The following C2CD2 variants were observed in gnomAD, a reference collection of about 807,000 sequenced individuals.
C2CD2 encodes C2 calcium dependent domain containing 2.
In C2CD2, 43 loss-of-function variants were observed where a neutral mutation model predicts 74.3. That is an observed-to-expected ratio of 0.58 (90% CI 0.45 to 0.75). The LOEUF is 0.75. Ranked by LOEUF, C2CD2 falls within the 30% of genes least tolerant of loss-of-function variation. The pLI is 0.00. For synonymous variants in C2CD2, 422 were observed against 390.7 expected, an observed-to-expected ratio of 1.08 and a Z score of -0.94; for missense variants, 801 against 916.3, an observed-to-expected ratio of 0.87 and a Z score of 1.63.
intron 1 of C2CD2, among the ~76,000 whole-genome samples, chr21:41,950,588 C>T (rs2065442236): frequency 6.6e-6 from 1 of 152,196 alleles, no homozygotes; most frequent in Non-Finnish European, 1.5e-5. Context: ...TCTCTGAGCT[C>T]TTCTCGCTGG....
chr21:41,903,263 C>T lies in C2CD2; in HGVS notation c.1433-1514G>A, dbSNP rs1472068648. Among the ~76,000 whole-genome samples, 1 of 152,134 alleles carries T rather than the reference C, an allele frequency of 6.6e-6. No homozygotes were observed. Among genetic ancestry groups the T allele is most frequent in the African/African-American group, 2.4e-5 (1 of 41,422 alleles). On this transcript the variant is annotated intron_variant, in intron 11 of 13. Coordinates refer to ENST00000380486, the MANE Select transcript of C2CD2 (RefSeq NM_015500.2). The surrounding 1 kb of genome is among the most constrained non-coding windows in gnomAD (Gnocchi z 4.5). ...AAGTGTTTCTCTGAGTTCTGTGAGCCATTATAGCAAATTACGGAACCCGAG... is the reference window on the plus strand; with the variant it reads ...AAGTGTTTCTCTGAGTTCTGTGAGCTATTATAGCAAATTACGGAACCCGAG...
rs541046099 is a variant in C2CD2 at position 41,924,822 on chromosome 21, C to T, written c.379-2737G>A. Among the ~76,000 whole-genome samples, 6 of 152,184 alleles carry T rather than the reference C, an allele frequency of 3.9e-5. No individual in the cohort carries two copies. Among genetic ancestry groups the T allele is most frequent in the Non-Finnish European group, 7.3e-5 (5 of 68,042 alleles). ...AGAAAACAGACTCAGAGCCTCAACC[C>T]GAGCAAGAAAGAATTTCATTTTCTT... On this transcript the variant is annotated intron_variant, in intron 2 of 13. Transcript: ENST00000380486. This position sits in a 1 kb window ranked among gnomAD's most constrained non-coding sequence, Gnocchi z 4.4.
Position 41,903,864 on chromosome 21 carries a change from C to T in C2CD2, c.1432+1860G>A, listed in dbSNP as rs2064928813. 6.6e-6 allele frequency among the ~76,000 whole-genome samples: 1 copy of T among 152,174 alleles called. No homozygotes were observed. The highest frequency in any genetic ancestry group is 2.4e-5 in the African/African-American group (1 of 41,444). ...GAGGGATCCTGCCCACGTGACAGGA[C>T]CCCGCAGCATGGGCAGTGGGGGCAC... On this transcript the variant is annotated intron_variant, in intron 11 of 13. Coordinates refer to ENST00000380486, the MANE Select transcript of C2CD2 (RefSeq NM_015500.2). The surrounding 1 kb of genome is among the most constrained non-coding windows in gnomAD (Gnocchi z 4.5).
intron 13 of C2CD2, among the ~76,000 whole-genome samples, chr21:41,897,530 C>T (rs1206131432): frequency 6.6e-6 from 1 of 152,214 alleles, no homozygotes; most frequent in Non-Finnish European, 1.5e-5. Context: ...GTGCAGCTTA[C>T]AGCCCTCAAG....
In C2CD2 at chr21:41,942,175, G is replaced by C; in HGVS notation, c.350C>G (p.Ser117Cys). Residue 117 changes from serine (S) to cysteine (C), a missense_variant, in exon 2 of 14, where the codon TCC becomes TGC. Coordinates refer to ENST00000380486, the MANE Select transcript of C2CD2 (RefSeq NM_015500.2). Reference sequence around the variant, plus strand: ...CTCCTCCGCCGACCTGAGCACGCTGGAGACCTCCTGCACCACCAGCTCCAG... The same window carrying C: ...CTCCTCCGCCGACCTGAGCACGCTGCAGACCTCCTGCACCACCAGCTCCAG... ...QALELVVQEV[S>C]SVLRSAEEKV... 1.3e-6 allele frequency: 2 copies of C among 1,549,460 alleles called. No homozygotes were observed. Among genetic ancestry groups the C allele is most frequent in the South Asian group, 1.2e-5 (1 of 83,966 alleles).
intron 12 of C2CD2, 145 bp downstream of exon 12, chr21:41,901,477 G>T: frequency 1.2e-6 from 1 of 829,674 alleles, no homozygotes; most frequent in Non-Finnish European, 2.1e-6. Context: ...ACTCCTTTGT[G>T]GGGTGAGGAA....
intron 2 of C2CD2, among the ~76,000 whole-genome samples, chr21:41,941,324 C>CCAG (rs1448569663): frequency 2.6e-5 from 4 of 152,170 alleles, no homozygotes; most frequent in African/African-American, 4.8e-5. Flanking sequence ...CCCCTGCACT[C>CCAG]CAGCCTGGGC....
Position 41,889,431 on chromosome 21 carries a change from G to C in C2CD2, c.1871-87C>G, listed in dbSNP as rs2064722361. Reference sequence around the variant, plus strand: ...TCCAATCGGACAAAGGGAAAAGGAGGCTCGAATGCCTCTAACGAAGGGCCA... The same window carrying C: ...TCCAATCGGACAAAGGGAAAAGGAGCCTCGAATGCCTCTAACGAAGGGCCA... On this transcript the variant is annotated intron_variant, in intron 13 of 13. Coordinates refer to ENST00000380486, the MANE Select transcript of C2CD2 (RefSeq NM_015500.2). 3.4e-6 allele frequency: 3 copies of C among 885,300 alleles called. No homozygotes were observed. The Admixed American group carries it at 5.9e-5, about 17-fold the overall frequency. 54.8% of individuals were successfully genotyped at this position (885,300 alleles called of 1,614,324 possible).
intron 2 of C2CD2, among the ~76,000 whole-genome samples, chr21:41,938,692 C>T (rs544492254): frequency 3.3e-5 from 5 of 152,040 alleles, no homozygotes; most frequent in Non-Finnish European, 5.9e-5. Context: ...AACATAATGT[C>T]CTCAAGGTTC....
In C2CD2 at chr21:41,892,912, C is replaced by T. The variant is rs761194139; in HGVS notation, c.1871-3568G>A. 4.6e-5 allele frequency among the ~76,000 whole-genome samples: 7 copies of T among 152,234 alleles called. No individual in the cohort carries two copies. The highest frequency in any genetic ancestry group is 7.2e-5 in the African/African-American group (3 of 41,466). On this transcript the variant is annotated intron_variant, in intron 13 of 13. Transcript: ENST00000380486. This position sits in a 1 kb window ranked among gnomAD's most constrained non-coding sequence, Gnocchi z 4.6. ...TGGGTAGAAGCTGACGCAGCCCACC[C>T]GCAGGGCCCGGTGCCACGCCAGAGA... is the stretch of plus-strand genomic sequence containing the variant.
At position 41,924,634 on chromosome 21, in the gene C2CD2, T is replaced by A. The variant is rs2065189785; in HGVS notation, c.379-2549A>T. On this transcript the variant is annotated intron_variant, in intron 2 of 13. Transcript: ENST00000380486. This position sits in a 1 kb window ranked among gnomAD's most constrained non-coding sequence, Gnocchi z 4.4. ...AGATGAGTTACACGCACCAATGGCA[T>A]GACACTGAGAAAATTCCCTGTCCTT... Among the ~76,000 whole-genome samples the A allele has an allele frequency of 6.6e-6, 1 of 152,228 alleles. No homozygotes were observed. The highest frequency in any genetic ancestry group is 2.4e-5 in the African/African-American group (1 of 41,456).
chr21:41,948,870 C>CTTTTATT (rs1339605498), intron 1 of C2CD2, among the ~76,000 whole-genome samples: 4 of 80,686 alleles, frequency 5.0e-5, no homozygotes, highest in African/African-American at 1.7e-4. Flanking sequence ...CACACAGCAT[C>CTTTTATT]TTTTTTTTTT....
rs538794615 is a variant in C2CD2, at chr21:41,888,971, A to T, written c.*153T>A. The T allele has an allele frequency of 1.5e-5, 10 of 652,068 alleles. No individual in the cohort carries two copies. In the African/African-American group the frequency reaches 1.8e-4, roughly 12 times the overall value. The allele number at this position is 652,068 out of a possible 1,614,324, so 40.4% of individuals were successfully genotyped here. ...AGAAGCCTCCTGGCTGGAGACTCAG[A>T]TTTTGTTTTCCCTTTAAATGACGAG... On this transcript the variant is annotated 3_prime_UTR_variant, in exon 14 of 14. Transcript: ENST00000380486.
intron 4 of C2CD2, 105 bp from the exon 5 acceptor site, chr21:41,918,332 A>G: frequency 8.2e-7 from 1 of 1,215,502 alleles, no homozygotes; most frequent in Non-Finnish European, 1.1e-6. Flanking sequence ...GGAAGGAAGG[A>G]AATTACCTTC....
chr21:41,888,966 C>CT lies in C2CD2; in HGVS notation c.*157dup, dbSNP rs1189520321. The CT allele has an allele frequency of 4.7e-6, 3 of 641,890 alleles. No individual in the cohort carries two copies. Among genetic ancestry groups the CT allele is most frequent in the Non-Finnish European group, 8.2e-6 (3 of 366,058 alleles). 39.8% of individuals were successfully genotyped at this position (641,890 alleles called of 1,614,324 possible). A position where few individuals can be genotyped will look rare whatever the true frequency, so the allele number is the denominator to read the frequency against. On this transcript the variant is annotated 3_prime_UTR_variant, in exon 14 of 14. Coordinates refer to ENST00000380486, the MANE Select transcript of C2CD2 (RefSeq NM_015500.2). ...CTGGGAGAAGCCTCCTGGCTGGAGACTCAGATTTTGTTTTCCCTTTAAATG... is the reference window on the plus strand; with the variant it reads ...CTGGGAGAAGCCTCCTGGCTGGAGACTTCAGATTTTGTTTTCCCTTTAAATG...
At chr21:41,904,999 T>C (rs1157389057) in intron 11 of C2CD2, among the ~76,000 whole-genome samples, 1 of 152,226 alleles carries the variant, frequency 6.6e-6, no homozygotes, top group African/African-American at 2.4e-5. Flanking sequence ...AGTGACCATT[T>C]CCTAGTGGAA....
At chr21:41,918,423 G>A (rs1285313553) in intron 4 of C2CD2, among the ~76,000 whole-genome samples, 196 bp from the exon 5 acceptor site, 1 of 152,234 alleles carries the variant, frequency 6.6e-6, no homozygotes, top group African/African-American at 2.4e-5. Flanking sequence ...CTCAGCCCAA[G>A]TTACGAGTGC....
In C2CD2 at chr21:41,945,660, G is replaced by A. The variant is rs1025877311; in HGVS notation, c.280-3415C>T. Among the ~76,000 whole-genome samples, 1 of 152,224 alleles carries A rather than the reference G, an allele frequency of 6.6e-6. No homozygotes were observed. Among genetic ancestry groups the A allele is most frequent in the Non-Finnish European group, 1.5e-5 (1 of 68,044 alleles). Reference sequence around the variant, plus strand: ...GAGGGACCTGTAATCCTCACCTGCAGAGGGAGGGAGGTAACTGGATCATGG... The same window carrying A: ...GAGGGACCTGTAATCCTCACCTGCAAAGGGAGGGAGGTAACTGGATCATGG... On this transcript the variant is annotated intron_variant, in intron 1 of 13. Coordinates refer to ENST00000380486, the MANE Select transcript of C2CD2 (RefSeq NM_015500.2). The surrounding 1 kb of genome is among the most constrained non-coding windows in gnomAD (Gnocchi z 4.2).
intron 13 of C2CD2, among the ~76,000 whole-genome samples, chr21:41,893,421 C>A (rs2064780583): frequency 6.6e-6 from 1 of 152,130 alleles, no homozygotes; most frequent in African/African-American, 2.4e-5. Flanking sequence ...TAATTCTTGG[C>A]ATATTAAGAT....
Sources: gnomAD v4.1 joint callset for allele counts (sites outside exome capture counted in the v4.1 genomes callset) on GRCh38, gnomAD v4.1.1 for gene constraint, Gnocchi (gnomAD v3.1) non-coding constraint, MANE v1.5 for transcripts, NCBI Gene and HGNC (gene_info 2026-07-23, HGNC 2026-07-21) for gene names.